SNX4: variants seen among roughly 807,000 people sequenced by gnomAD.
SNX4 encodes the protein sorting nexin-4.
A neutral mutation model predicts 70.8 loss-of-function variants in SNX4; 49 were observed. That is an observed-to-expected ratio of 0.69 (90% CI 0.55 to 0.88). SNX4 has a LOEUF of 0.88. SNX4 is among the 40% of genes least tolerant of loss of function. The probability of loss-of-function intolerance (pLI) is 0.00; values close to 1 mark genes in which losing one functional copy is unlikely to be tolerated. For synonymous variants in SNX4, 206 were observed against 183.8 expected (o/e 1.12, Z -0.98); for missense variants, 528 against 544.8 (o/e 0.97, Z 0.31).
At chr3:125,511,289 G>A (rs1935170010) in intron 1 of SNX4, among the ~76,000 whole-genome samples, 1 of 136,644 alleles carries the variant, frequency 7.3e-6, no homozygotes, top group African/African-American at 3.0e-5. Flanking sequence ...ATCTAATTTG[G>A]GGTTTAACCA....
Position 125,459,958 on chromosome 3 carries a change from C to T in SNX4, c.944+813G>A, listed in dbSNP as rs544187166. Among the ~76,000 whole-genome samples the T allele has an allele frequency of 1.1e-4, 17 of 151,572 alleles. No individual in the cohort carries two copies. The South Asian group carries it at 3.6e-3, about 32-fold the overall frequency. ...CTGTAATCCCAGCACTTTGAGAGGC[C>T]GAGGCGGGTGGATTACCCGAGGTCA... On this transcript the variant is annotated intron_variant, in intron 10 of 13. Transcript: ENST00000251775.
intron 6 of SNX4, 21 bp from the exon 7 acceptor site, chr3:125,480,340 A>C: frequency 6.9e-7 from 1 of 1,458,384 alleles, no homozygotes; most frequent in Non-Finnish European, 9.2e-7. Context: ...AAACAAATAA[A>C]ACATCGTTTT....
chr3:125,466,063 T>C (rs1934004802), intron 9 of SNX4, among the ~76,000 whole-genome samples: 1 of 152,226 alleles, frequency 6.6e-6, no homozygotes. Flanking sequence ...CAATGTTTTA[T>C]GTAGTTTTCA....
chr3:125,476,720 G>C lies in SNX4; in HGVS notation c.763C>G (p.His255Asp). ...CTGAAAACTCGACCATAATTCCCAT[G>C]TACTTTATATACACCATAGAGTCGA... is the stretch of plus-strand genomic sequence containing the variant. ...ADRLYGVYKVHGNYGRVFSEW... is the reference protein window; with the variant it reads ...ADRLYGVYKVDGNYGRVFSEW... Residue 255 changes from histidine (H) to aspartate (D), a missense_variant, in exon 8 of 14, where the codon CAT becomes GAT. His to Asp is a moderately conservative substitution (Grantham distance 81, BLOSUM62 -1). This residue lies in a region of SNX4 where 341 missense variants were observed against 312.2 expected (regional missense o/e 1.09). Transcript: ENST00000251775. The C allele has an allele frequency of 1.9e-6, 3 of 1,597,446 alleles. No homozygotes were observed. The highest frequency in any genetic ancestry group is 2.6e-6 in the Non-Finnish European group (3 of 1,167,530).
rs369068615 is a variant in SNX4 at position 125,457,290 on chromosome 3, C to T, written c.1020G>A (p.Gln340=). 24 of 1,613,962 alleles carry T rather than the reference C, an allele frequency of 1.5e-5. No homozygotes were observed. The African/African-American group carries it at 3.1e-4, about 21-fold the overall frequency. Residue 340 remains glutamine (Q), a synonymous_variant, in exon 11 of 14, where the codon CAG becomes CAA. Coordinates refer to ENST00000251775, the MANE Select transcript of SNX4 (RefSeq NM_003794.4). ...MAAQDLASKK[Q]QCEELVTGTV... is the part of the protein sequence containing the mutation. The stretch of plus-strand genomic sequence containing the variant: ...CCCCAGTTACCAGTTCCTCACACTG[C>T]TGCTTCTTGGATGCTAAGTCCTGAG...
chr3:125,469,890 T>C lies in SNX4; in HGVS notation c.789-371A>G, dbSNP rs978516170. ...GAAGCTGTGGGGATAGAGTGAGACA[T>C]GTACATTTTTAAATACTCCATGTAC... On this transcript the variant is annotated intron_variant, in intron 8 of 13. Coordinates refer to ENST00000251775, the MANE Select transcript of SNX4 (RefSeq NM_003794.4). 2.0e-5 allele frequency among the ~76,000 whole-genome samples: 3 copies of C among 152,196 alleles called. No individual in the cohort carries two copies. The South Asian group carries it at 6.2e-4, about 32-fold the overall frequency.
At chr3:125,505,623 C>A in intron 1 of SNX4, among the ~76,000 whole-genome samples, 1 of 152,194 alleles carries the variant, frequency 6.6e-6, no homozygotes, top group East Asian at 1.9e-4. Flanking sequence ...CCTCTGATCA[C>A]CAACTGCTTC....
intron 8 of SNX4, among the ~76,000 whole-genome samples, chr3:125,476,038 C>T (rs548091267): frequency 4.5e-4 from 68 of 150,716 alleles, no homozygotes; most frequent in Non-Finnish European, 8.1e-4. Flanking sequence ...GAGGCCGAGG[C>T]GGGTGGATCA....
intron 5 of SNX4, among the ~76,000 whole-genome samples, chr3:125,493,637 G>A (rs1229782515): frequency 9.5e-5 from 14 of 146,728 alleles, no homozygotes; most frequent in Non-Finnish European, 1.3e-4. Context: ...CTAAGTGACA[G>A]AGCGAGACTC....
rs899113862 is a variant in SNX4, at chr3:125,519,952, CA to C, written c.141+79del. On this transcript the variant is annotated intron_variant, in intron 1 of 13. Coordinates refer to ENST00000251775, the MANE Select transcript of SNX4 (RefSeq NM_003794.4). The stretch of plus-strand genomic sequence containing the variant: ...CCGAGCCCACTGGCCCGGCCCGGCC[CA>C]GCCCAGCCCAGCCCAGCCCAGCCCG... The C allele has an allele frequency of 5.4e-6, 6 of 1,114,822 alleles. No homozygotes were observed. The African/African-American group carries it at 7.0e-5, about 13-fold the overall frequency. The allele number at this position is 1,114,822 out of a possible 1,614,324, so 69.1% of individuals were successfully genotyped here.
chr3:125,508,577 A>C (rs900372410), intron 1 of SNX4, among the ~76,000 whole-genome samples: 2 of 152,172 alleles, frequency 1.3e-5, no homozygotes, highest in Middle Eastern at 3.4e-3. Context: ...AAAAAAAAAA[A>C]AAAAGAAAAT....
At chr3:125,497,045 T>G (rs1038172627) in intron 5 of SNX4, among the ~76,000 whole-genome samples, 9 of 151,682 alleles carry the variant, frequency 5.9e-5, no homozygotes, top group African/African-American at 2.2e-4. Context: ...ACAACTTGTA[T>G]TTAAATTACT....
chr3:125,519,729 C>G (rs560254124), intron 1 of SNX4, among the ~76,000 whole-genome samples: 1 of 152,162 alleles, frequency 6.6e-6, no homozygotes, highest in African/African-American at 2.4e-5. Context: ...CATCCGGGGC[C>G]CAGACCCCCA....
chr3:125,448,136 CT>C (rs112025725), intron 13 of SNX4, among the ~76,000 whole-genome samples: 441 of 142,618 alleles, frequency 3.1e-3, no homozygotes, highest in Middle Eastern at 0.011. Flanking sequence ...AGTTTTCAGT[CT>C]TTTTTTTTTT....
In SNX4 at chr3:125,452,926, T is replaced by A. The variant is rs149261959; in HGVS notation, c.1190+884A>T. 4.5e-3 allele frequency among the ~76,000 whole-genome samples: 683 copies of A among 152,268 alleles called. 5 individuals are homozygous for A. Among genetic ancestry groups the A allele is most frequent in the African/African-American group, 0.015 (633 of 41,552 alleles). ...GCTACCGCGCCCGGCCTGTCTTTTT[T>A]AATTCTATCTATTACTTTGCCATAT... On this transcript the variant is annotated intron_variant, in intron 12 of 13. Coordinates refer to ENST00000251775, the MANE Select transcript of SNX4 (RefSeq NM_003794.4).
chr3:125,501,148 C>T (rs1190710423), intron 2 of SNX4, among the ~76,000 whole-genome samples: 1 of 152,040 alleles, frequency 6.6e-6, no homozygotes, highest in Non-Finnish European at 1.5e-5. Flanking sequence ...GTCAGTTAAC[C>T]TTAGGGATAG....
At chr3:125,464,237 C>T (rs1453524953) in intron 9 of SNX4, among the ~76,000 whole-genome samples, 1 of 152,116 alleles carries the variant, frequency 6.6e-6, no homozygotes, top group Non-Finnish European at 1.5e-5. Context: ...CAATTTCTTG[C>T]TCCTTCAATG....
intron 11 of SNX4, among the ~76,000 whole-genome samples, chr3:125,455,647 T>C (rs1472850902): frequency 6.6e-6 from 1 of 152,192 alleles, no homozygotes; most frequent in Non-Finnish European, 1.5e-5. Flanking sequence ...TGGTCACAAG[T>C]CTTTCCCCAC....
chr3:125,462,826 T>C (rs576362468), intron 9 of SNX4, among the ~76,000 whole-genome samples: 1 of 152,240 alleles, frequency 6.6e-6, no homozygotes, highest in South Asian at 2.1e-4. Flanking sequence ...CCAGGAGGGT[T>C]ATCAGCTTCG....
Sources: allele counts gnomAD v4.1 joint callset (sites outside exome capture counted in the v4.1 genomes callset), GRCh38; gene constraint gnomAD v4.1.1; regional missense constraint gnomAD v4.1.1; transcripts MANE v1.5; gene names NCBI Gene and HGNC (gene_info 2026-07-23, HGNC 2026-07-21).